Variants in CYP7B1 observed in about 807,000 individuals in gnomAD.
CYP7B1 encodes the protein cytochrome P450 7B1.
CYP7B1 carries 29 observed loss-of-function variants against 42.7 expected under a neutral mutation model. The observed-to-expected ratio is 0.68, with a 90% CI of 0.51 to 0.93. The LOEUF is 0.93. Among genes scored for constraint, CYP7B1 ranks in the 40% least tolerant of loss-of-function variants. The pLI is 0.00. For synonymous variants in CYP7B1, 235 were observed against 218.2 expected (o/e 1.08, Z -0.68); for missense variants, 655 against 600.5 (o/e 1.09, Z -0.95).
intron 1 of CYP7B1, among the ~76,000 whole-genome samples, chr8:64,763,128 C>T (rs568281196): frequency 1.4e-4 from 21 of 152,344 alleles, no homozygotes; most frequent in African/African-American, 5.1e-4. Context: ...ACTTCCACCC[C>T]TCCGGATCCA....
chr8:64,745,077 A>AT (rs1229637816), intron 1 of CYP7B1, among the ~76,000 whole-genome samples: 1 of 152,196 alleles, frequency 6.6e-6, no homozygotes, highest in African/African-American at 2.4e-5. Context: ...TAATTCCTTC[A>AT]TTTAGTTCAA....
At chr8:64,745,819 T>C (rs1012091656) in intron 1 of CYP7B1, among the ~76,000 whole-genome samples, 5 of 152,184 alleles carry the variant, frequency 3.3e-5, no homozygotes, top group African/African-American at 1.2e-4. Flanking sequence ...GATTGCTCTA[T>C]AGTACGCTTG....
At chr8:64,644,700 C>G (rs1041135960) in intron 1 of CYP7B1, among the ~76,000 whole-genome samples, 7 of 152,130 alleles carry the variant, frequency 4.6e-5, no homozygotes, top group African/African-American at 1.7e-4. Flanking sequence ...CTGTAGATGG[C>G]TGAAGTCTGG....
intron 4 of CYP7B1, among the ~76,000 whole-genome samples, chr8:64,606,908 T>G (rs1805291636): frequency 6.6e-6 from 1 of 152,172 alleles, no homozygotes; most frequent in South Asian, 2.1e-4. Context: ...CCAGTACGAA[T>G]GCAGGCAGAG....
chr8:64,721,904 C>T (rs1003024776), intron 1 of CYP7B1, among the ~76,000 whole-genome samples: 1 of 151,944 alleles, frequency 6.6e-6, no homozygotes, highest in African/African-American at 2.4e-5. Flanking sequence ...TATTATTCCA[C>T]CAAGAATGTC....
chr8:64,748,362 T>TC (rs1276983255), intron 1 of CYP7B1, among the ~76,000 whole-genome samples: 1 of 152,056 alleles, frequency 6.6e-6, no homozygotes, highest in African/African-American at 2.4e-5. Flanking sequence ...TCCCCTACAA[T>TC]CCCTCCCTGG....
chr8:64,602,232 CCA>C (rs1229939389), intron 5 of CYP7B1, among the ~76,000 whole-genome samples: 1 of 152,124 alleles, frequency 6.6e-6, no homozygotes, highest in Non-Finnish European at 1.5e-5. Context: ...TAAACACAGG[CCA>C]CAGTGTGAGC....
intron 1 of CYP7B1, among the ~76,000 whole-genome samples, chr8:64,687,149 AC>A (rs1435869291): frequency 6.6e-6 from 1 of 151,950 alleles, no homozygotes; most frequent in Non-Finnish European, 1.5e-5. Context: ...TAAAAAAAAA[AC>A]ATTAGGCATA....
chr8:64,776,863 T>C (rs577493140), intron 1 of CYP7B1, among the ~76,000 whole-genome samples: 1 of 152,260 alleles, frequency 6.6e-6, no homozygotes, highest in Admixed American at 6.5e-5. Context: ...AAGAAGAATC[T>C]GAACAGGACT....
chr8:64,790,684 G>C (rs1804602817), intron 1 of CYP7B1, among the ~76,000 whole-genome samples: 1 of 152,096 alleles, frequency 6.6e-6, no homozygotes, highest in African/African-American at 2.4e-5. Flanking sequence ...CCTCCAATGT[G>C]CCCAAGAGTG....
intron 1 of CYP7B1, among the ~76,000 whole-genome samples, chr8:64,666,674 A>G (rs1806284847): frequency 6.6e-6 from 1 of 152,224 alleles, no homozygotes; most frequent in African/African-American, 2.4e-5. Context: ...TTATCAGAGC[A>G]CCACACTGAA....
chr8:64,619,077 T>C (rs992404794), intron 2 of CYP7B1, among the ~76,000 whole-genome samples: 2 of 152,188 alleles, frequency 1.3e-5, no homozygotes, highest in Non-Finnish European at 2.9e-5. Context: ...CTTTTAATCT[T>C]CAGTATAAAC....
Position 64,679,574 on chromosome 8 carries a change from TCTA to T in CYP7B1, c.123-55038_123-55036del, listed in dbSNP as rs1386683206. On this transcript the variant is annotated intron_variant, in intron 1 of 5. Transcript: ENST00000310193. Reference sequence around the variant, plus strand: ...AACATTTTTTTCTTGCTTTCTAACTTCTATTTCTATTTCTAAAAGTTTTATGTG... The same window carrying T: ...AACATTTTTTTCTTGCTTTCTAACTTTTTCTATTTCTAAAAGTTTTATGTG... 1.6e-4 allele frequency among the ~76,000 whole-genome samples: 25 copies of T among 152,310 alleles called. 1 individual carries two copies. In the East Asian group the frequency reaches 4.8e-3, roughly 29 times the overall value.
intron 1 of CYP7B1, among the ~76,000 whole-genome samples, chr8:64,740,022 A>G (rs756245825): frequency 8.5e-5 from 13 of 152,152 alleles, no homozygotes; most frequent in Non-Finnish European, 1.3e-4. Flanking sequence ...ATGTTAAAAG[A>G]ACTTCTTTAG....
At chr8:64,660,292 T>C (rs1053516641) in intron 1 of CYP7B1, among the ~76,000 whole-genome samples, 4 of 152,218 alleles carry the variant, frequency 2.6e-5, no homozygotes, top group Non-Finnish European at 5.9e-5. Context: ...GTTATCATTA[T>C]TGTGTAACAA....
At chr8:64,702,320 T>A (rs1180693910) in intron 1 of CYP7B1, among the ~76,000 whole-genome samples, 1 of 152,036 alleles carries the variant, frequency 6.6e-6, no homozygotes, top group African/African-American at 2.4e-5. Flanking sequence ...GAAATTAAGG[T>A]TAATGTTATA....
At chr8:64,608,305 T>C (rs1225030082) in intron 4 of CYP7B1, among the ~76,000 whole-genome samples, 3 of 152,226 alleles carry the variant, frequency 2.0e-5, no homozygotes, top group African/African-American at 7.2e-5. Flanking sequence ...CATTTGCAGA[T>C]TTACAGCACT....
rs1310365130 is a variant in CYP7B1, at chr8:64,593,931, G to C, written c.*2711C>G. 6.6e-6 allele frequency among the ~76,000 whole-genome samples: 1 copy of C among 152,134 alleles called. No homozygotes were observed. Among genetic ancestry groups the C allele is most frequent in the African/African-American group, 2.4e-5 (1 of 41,428 alleles). On this transcript the variant is annotated 3_prime_UTR_variant, in exon 6 of 6. Transcript: ENST00000310193. ...CTGAAAAATGTAATGATTGAACTTA[G>C]CAAACTCAGTGGAATGGAAAACCTG...
chr8:64,676,487 C>G (rs1806448260), intron 1 of CYP7B1, among the ~76,000 whole-genome samples: 1 of 152,018 alleles, frequency 6.6e-6, no homozygotes, highest in Non-Finnish European at 1.5e-5. Flanking sequence ...CTCTGAAGAA[C>G]CCCTTCGGAT....
Sources: gnomAD v4.1 joint callset for allele counts (sites outside exome capture counted in the v4.1 genomes callset) on GRCh38, gnomAD v4.1.1 for gene constraint, MANE v1.5 for transcripts, NCBI Gene and HGNC (gene_info 2026-07-23, HGNC 2026-07-21) for gene names.